The following CCDC92B variants were observed in gnomAD, a reference collection of about 807,000 sequenced individuals.
CCDC92B encodes coiled-coil domain containing 92B, also known as coiled-coil domain-containing 92B.
CCDC92B carries 2 observed loss-of-function variants against 5.6 expected under a neutral mutation model. That is an observed-to-expected ratio of 0.36 (90% CI 0.15 to 1.12). The LOEUF (loss-of-function observed/expected upper bound fraction) is 1.12, where lower values mean the gene tolerates loss of function less well. Ranked by LOEUF, CCDC92B falls within the 50% of genes most tolerant of loss-of-function variation. The pLI is 0.40. For missense variants in CCDC92B, 271 were observed against 262.2 expected (o/e 1.03, Z -0.23); for synonymous variants, 115 against 122.3 (o/e 0.94, Z 0.39).
At chr17:2,725,265 C>T (rs1240215084) in intron 3 of CCDC92B, among the ~76,000 whole-genome samples, 1 of 151,826 alleles carries the variant, frequency 6.6e-6, no homozygotes, top group African/African-American at 2.4e-5. Flanking sequence ...CGCCTGTAAT[C>T]CCAGCTACTC....
chr17:2,724,217 G>A lies in CCDC92B; in HGVS notation c.*194C>T, dbSNP rs2070695679. ...GGAGGAACTCTCGCGCGAGGAGAGG[G>A]CTCGAAGCTTTGGAAACGTCGGGAA... On this transcript the variant is annotated 3_prime_UTR_variant, in exon 4 of 4. Coordinates refer to ENST00000614400, the MANE Select transcript of CCDC92B (RefSeq NM_001355573.2). This position sits in a 1 kb window ranked among gnomAD's most constrained non-coding sequence, Gnocchi z 5.0. 17 of 985,308 alleles carry A rather than the reference G, an allele frequency of 1.7e-5. No homozygotes were observed. The highest frequency in any genetic ancestry group is 2.0e-5 in the Non-Finnish European group (17 of 829,928). 61.0% of individuals were successfully genotyped at this position (985,308 alleles called of 1,614,324 possible).
intron 3 of CCDC92B, among the ~76,000 whole-genome samples, chr17:2,727,563 C>T (rs575253839): frequency 2.2e-4 from 34 of 152,258 alleles, no homozygotes; most frequent in African/African-American, 5.5e-4. Context: ...CAGTGGCTCA[C>T]GCCTGTAATC....
At chr17:2,736,411 G>C (rs2070857852) in intron 1 of CCDC92B, among the ~76,000 whole-genome samples, 1 of 150,628 alleles carries the variant, frequency 6.6e-6, no homozygotes, top group Non-Finnish European at 1.5e-5. Flanking sequence ...TGGGCGACAG[G>C]GTGAGACTCT....
intron 1 of CCDC92B, among the ~76,000 whole-genome samples, chr17:2,738,652 C>T (rs955330326): frequency 4.6e-5 from 7 of 150,962 alleles, no homozygotes; most frequent in African/African-American, 7.3e-5. Context: ...CCCAGCTACT[C>T]GGAGAGGCCG....
At chr17:2,728,602 C>CAA (rs56095711) in intron 3 of CCDC92B, among the ~76,000 whole-genome samples, 138 of 138,428 alleles carry the variant, frequency 1.0e-3, no homozygotes, top group South Asian at 1.6e-3. Flanking sequence ...GACTCCGTCT[C>CAA]AAAAAAAAAA....
In CCDC92B at chr17:2,720,828, A is replaced by C. The variant is rs1262410499; in HGVS notation, c.*3583T>G. The C allele has an allele frequency of 1.3e-5, 2 of 152,220 alleles. No individual in the cohort carries two copies. Among genetic ancestry groups the C allele is most frequent in the Non-Finnish European group, 2.9e-5 (2 of 68,048 alleles). 9.4% of individuals were successfully genotyped at this position (152,220 alleles called of 1,614,324 possible). On this transcript the variant is annotated 3_prime_UTR_variant, in exon 4 of 4. Coordinates refer to ENST00000614400, the MANE Select transcript of CCDC92B (RefSeq NM_001355573.2). ...TTTTTCAGAGATTTTATTAAGAATA[A>C]GGCATATGACAGTCACCCCTAAAGC... is the stretch of plus-strand genomic sequence containing the variant.
Position 2,724,007 on chromosome 17 carries a change from G to C in CCDC92B, c.*404C>G, listed in dbSNP as rs973428818. 7.1e-6 allele frequency: 7 copies of C among 982,414 alleles called. No homozygotes were observed. Among genetic ancestry groups the C allele is most frequent in the Non-Finnish European group, 6.0e-6 (5 of 827,578 alleles). 60.9% of individuals were successfully genotyped at this position (982,414 alleles called of 1,614,324 possible). Reference sequence around the variant, plus strand: ...GGGGTGGGGAGCTAGAGGGCCTGGGGCGCCAATGCCACTCTGCGTCCCTTT... The same window carrying C: ...GGGGTGGGGAGCTAGAGGGCCTGGGCCGCCAATGCCACTCTGCGTCCCTTT... On this transcript the variant is annotated 3_prime_UTR_variant, in exon 4 of 4. Transcript: ENST00000614400. This position sits in a 1 kb window ranked among gnomAD's most constrained non-coding sequence, Gnocchi z 5.0.
At position 2,724,240 on chromosome 17, in the gene CCDC92B, G is replaced by T. The variant is rs1293991619; in HGVS notation, c.*171C>A. 3 of 985,290 alleles carry T rather than the reference G, an allele frequency of 3.0e-6. No individual in the cohort carries two copies. The highest frequency in any genetic ancestry group is 4.7e-5 in the South Asian group (1 of 21,282). The allele number at this position is 985,290 out of a possible 1,614,324, so 61.0% of individuals were successfully genotyped here. A position where few individuals can be genotyped will look rare whatever the true frequency, so the allele number is the denominator to read the frequency against. On this transcript the variant is annotated 3_prime_UTR_variant, in exon 4 of 4. Transcript: ENST00000614400. This position sits in a 1 kb window ranked among gnomAD's most constrained non-coding sequence, Gnocchi z 5.0. Reference sequence around the variant, plus strand: ...GGGCTCGAAGCTTTGGAAACGTCGGGAAGTACAAAAGGCTGGCGGTTCGGG... The same window carrying T: ...GGGCTCGAAGCTTTGGAAACGTCGGTAAGTACAAAAGGCTGGCGGTTCGGG...
chr17:2,731,924 A>G (rs1765737870), intron 2 of CCDC92B, among the ~76,000 whole-genome samples: 1 of 152,134 alleles, frequency 6.6e-6, no homozygotes, highest in Non-Finnish European at 1.5e-5. Flanking sequence ...GGGAGATAAA[A>G]ATCTCAGCTG....
intron 3 of CCDC92B, among the ~76,000 whole-genome samples, chr17:2,729,202 A>G (rs967538854): frequency 1.3e-5 from 2 of 152,018 alleles, no homozygotes; most frequent in African/African-American, 4.8e-5. Context: ...AATAGTTACT[A>G]TGTCCTGGCC....
At position 2,739,223 on chromosome 17, in the gene CCDC92B, T is replaced by C. The variant is rs541390739; in HGVS notation, c.-23-4055A>G. 1.7e-4 allele frequency among the ~76,000 whole-genome samples: 25 copies of C among 144,124 alleles called. No individual in the cohort carries two copies. The East Asian group carries it at 2.5e-3, about 15-fold the overall frequency. 94.6% of individuals were successfully genotyped at this position (144,124 alleles called of 152,430 possible). ...TCTACTAAAAATACAAAAAATTAGC[T>C]GGGTGTGGTGGCGGGCGCCTGTAGT... On this transcript the variant is annotated intron_variant, in intron 1 of 3. Coordinates refer to ENST00000614400, the MANE Select transcript of CCDC92B (RefSeq NM_001355573.2).
At chr17:2,746,435 C>A (rs2070987441) in intron 1 of CCDC92B, among the ~76,000 whole-genome samples, 1 of 152,198 alleles carries the variant, frequency 6.6e-6, no homozygotes, top group South Asian at 2.1e-4. Flanking sequence ...GTTACAAATA[C>A]TTTTCCCTTT....
At position 2,724,255 on chromosome 17, in the gene CCDC92B, G is replaced by A. The variant is rs1018998337; in HGVS notation, c.*156C>T. The A allele has an allele frequency of 2.6e-5, 26 of 985,262 alleles. No individual in the cohort carries two copies. The African/African-American group carries it at 4.0e-4, about 15-fold the overall frequency. The allele number at this position is 985,262 out of a possible 1,614,324, so 61.0% of individuals were successfully genotyped here. ...GAAACGTCGGGAAGTACAAAAGGCT[G>A]GCGGTTCGGGGATTTGGGGGGAGCC... On this transcript the variant is annotated 3_prime_UTR_variant, in exon 4 of 4. Coordinates refer to ENST00000614400, the MANE Select transcript of CCDC92B (RefSeq NM_001355573.2). The surrounding 1 kb of genome is among the most constrained non-coding windows in gnomAD (Gnocchi z 5.0).
chr17:2,747,719 C>T (rs775265302), intron 1 of CCDC92B, among the ~76,000 whole-genome samples: 14 of 152,120 alleles, frequency 9.2e-5, no homozygotes, highest in Non-Finnish European at 1.3e-4. Flanking sequence ...AAGAGCAAAA[C>T]TCTATCTCAA....
intron 1 of CCDC92B, among the ~76,000 whole-genome samples, chr17:2,737,461 CTTTCT>C (rs2070869730): frequency 4.9e-5 from 7 of 142,484 alleles, no homozygotes; most frequent in Admixed American, 2.9e-4. Flanking sequence ...CCAAATAGGC[CTTTCT>C]TTTTTTTTTT....
chr17:2,723,769 C>T lies in CCDC92B; in HGVS notation c.*642G>A, dbSNP rs1277899534. The T allele has an allele frequency of 5.4e-6, 1 of 184,978 alleles. No homozygotes were observed. Among genetic ancestry groups the T allele is most frequent in the Admixed American group, 6.5e-5 (1 of 15,324 alleles). 11.5% of individuals were successfully genotyped at this position (184,978 alleles called of 1,614,324 possible). A position where few individuals can be genotyped will look rare whatever the true frequency, so the allele number is the denominator to read the frequency against. ...CAACCAGGCGGTTCTGTAATCCTCT[C>T]CCAGGGCCCATGGAAGTTAGGCTTC... On this transcript the variant is annotated 3_prime_UTR_variant, in exon 4 of 4. Transcript: ENST00000614400.
At chr17:2,743,042 TC>T (rs1310274216) in intron 1 of CCDC92B, among the ~76,000 whole-genome samples, 2 of 152,176 alleles carry the variant, frequency 1.3e-5, no homozygotes, top group African/African-American at 4.8e-5. Flanking sequence ...GCCAAAAACA[TC>T]CTTCTGGTGT....
In CCDC92B at chr17:2,732,991, C is replaced by T. The variant is rs373801472; in HGVS notation, c.130+2025G>A. 1.9e-4 allele frequency among the ~76,000 whole-genome samples: 29 copies of T among 149,662 alleles called. 1 individual carries two copies. The highest frequency in any genetic ancestry group is 1.2e-3 in the Admixed American group (18 of 14,892). ...TCACGCCACTGCACTCCAGCCTGGGCGACAGAGCAAGACCCTGTCTCAAAA... is the reference window on the plus strand; with the variant it reads ...TCACGCCACTGCACTCCAGCCTGGGTGACAGAGCAAGACCCTGTCTCAAAA... On this transcript the variant is annotated intron_variant, in intron 2 of 3. Transcript: ENST00000614400.
Position 2,723,017 on chromosome 17 carries a change from C to T in CCDC92B, c.*1394G>A, listed in dbSNP as rs892579064. ...TTTCCCCTTTCCACGTCGCCATTCC[C>T]CAGGCTAGACAGCAGGGAACTGAGC... On this transcript the variant is annotated 3_prime_UTR_variant, in exon 4 of 4. Coordinates refer to ENST00000614400, the MANE Select transcript of CCDC92B (RefSeq NM_001355573.2). 2.6e-5 allele frequency: 4 copies of T among 152,460 alleles called. No individual in the cohort carries two copies. Among genetic ancestry groups the T allele is most frequent in the African/African-American group, 9.7e-5 (4 of 41,438 alleles). 9.4% of individuals were successfully genotyped at this position (152,460 alleles called of 1,614,324 possible).
Sources: gnomAD v4.1 joint callset for allele counts (sites outside exome capture counted in the v4.1 genomes callset) on GRCh38, gnomAD v4.1.1 for gene constraint, Gnocchi (gnomAD v3.1) non-coding constraint, MANE v1.5 for transcripts, NCBI Gene and HGNC (gene_info 2026-07-23, HGNC 2026-07-21) for gene names.